The following NME1 variants were observed in gnomAD, a reference collection of about 807,000 sequenced individuals.
NME1 encodes NME/NM23 nucleoside diphosphate kinase 1, also known as nucleoside diphosphate kinase A.
Under a neutral mutation model 17.2 loss-of-function variants are expected in NME1, and 9 were observed. That is an observed-to-expected ratio of 0.52 (90% CI 0.32 to 0.92). The LOEUF (loss-of-function observed/expected upper bound fraction) is 0.92, where lower values mean the gene tolerates loss of function less well. NME1 is among the 40% of genes least tolerant of loss of function. NME1 has a pLI of 0.04. For missense variants in NME1, 169 were observed against 201.7 expected, an observed-to-expected ratio of 0.84 and a Z score of 0.98; for synonymous variants, 72 against 70.8, an observed-to-expected ratio of 1.02 and a Z score of -0.09.
intron 1 of NME1, chr17:51,154,417 G>A (rs1483948551): frequency 1.2e-6 from 2 of 1,614,064 alleles, no homozygotes; most frequent in African/African-American, 1.3e-5. Context: ...CAAGGCGAGG[G>A]GCCTCCTATC....
rs1042084825 is a variant in NME1 at position 51,162,035 on chromosome 17, A to G, written c.*190A>G. Reference sequence around the variant, plus strand: ...TCTGATTAAAATGCTTCCTCCCAGCATAGGATTCATTGAGTTGGTTACTTC... The same window carrying G: ...TCTGATTAAAATGCTTCCTCCCAGCGTAGGATTCATTGAGTTGGTTACTTC... On this transcript the variant is annotated 3_prime_UTR_variant, in exon 5 of 5. Coordinates refer to ENST00000393196, the MANE Select transcript of NME1 (RefSeq NM_000269.3). 7 of 576,238 alleles carry G rather than the reference A, an allele frequency of 1.2e-5. No homozygotes were observed. In the African/African-American group the frequency reaches 1.3e-4, roughly 11 times the overall value. The allele number at this position is 576,238 out of a possible 1,614,324, so 35.7% of individuals were successfully genotyped here. A position where few individuals can be genotyped will look rare whatever the true frequency, so the allele number is the denominator to read the frequency against.
At chr17:51,160,627 T>TTTTA in intron 3 of NME1, 1 of 226,844 alleles carries the variant, frequency 4.4e-6, no homozygotes, top group Non-Finnish European at 8.8e-6. Context: ...TTTTTTTTTT[T>TTTTA]GAGACGGAGT....
At chr17:51,154,035 G>A in intron 1 of NME1, 1 of 340,268 alleles carries the variant, frequency 2.9e-6, no homozygotes, top group Non-Finnish European at 5.7e-6. Flanking sequence ...CACCGGGACC[G>A]ATGTGGAGGG....
At chr17:51,160,431 T>G in intron 3 of NME1, 1 of 379,054 alleles carries the variant, frequency 2.6e-6, no homozygotes, top group Middle Eastern at 9.1e-4. Context: ...AGGGTGGGAA[T>G]GAGCTTGGCT....
At chr17:51,160,332 G>A (rs62063054) in intron 3 of NME1, 7,190 of 568,528 alleles carry the variant, frequency 0.013, 62 homozygotes, top group South Asian at 0.021. Flanking sequence ...ACAAGAAGCA[G>A]CGATCTGAAT....
At chr17:51,154,339 AG>A in intron 1 of NME1, 2 of 1,596,964 alleles carry the variant, frequency 1.3e-6, no homozygotes, top group South Asian at 2.2e-5. Context: ...CTGTAAGAAG[AG>A]GTTAACTAAA....
chr17:51,160,499 TG>T, intron 3 of NME1: 1 of 362,606 alleles, frequency 2.8e-6, no homozygotes, highest in Non-Finnish European at 5.3e-6. Context: ...GGAGGGAAGT[TG>T]GGAGGTGAAG....
chr17:51,155,981 T>C (rs1465348954), intron 2 of NME1: 2 of 648,044 alleles, frequency 3.1e-6, no homozygotes, highest in Non-Finnish European at 5.0e-6. Context: ...TTTTCCAAAA[T>C]AGTCTCTGTA....
chr17:51,156,863 C>G (rs2049793606), intron 2 of NME1, among the ~76,000 whole-genome samples: 1 of 148,368 alleles, frequency 6.7e-6, no homozygotes, highest in South Asian at 2.2e-4. Context: ...TGCACTCCAG[C>G]CTGTGCAACA....
rs1157048639 is a variant in NME1, at chr17:51,161,772, AG to A, written c.387del (p.Ile130SerfsTer11). 6.2e-6 allele frequency: 10 copies of A among 1,614,120 alleles called. No homozygotes were observed. Among genetic ancestry groups the A allele is most frequent in the Non-Finnish European group, 8.5e-6 (10 of 1,179,976 alleles). On this transcript the variant is annotated frameshift_variant, in exon 5 of 5. Coordinates refer to ENST00000393196, the MANE Select transcript of NME1 (RefSeq NM_000269.3). LOFTEE classifies it high-confidence loss of function. ...GSDSVESAEK[E>X]IGLWFHPEEL... ...GATTCTGTGGAGAGTGCAGAGAAGG[AG>A]ATCGGCTTGTGGTTTCACCCTGAGG...
intron 1 of NME1, 133 bp from the exon 2 acceptor site, chr17:51,155,518 G>A (rs2049772831): frequency 2.2e-6 from 3 of 1,378,516 alleles, no homozygotes; most frequent in South Asian, 1.2e-5. Context: ...GAGGAATTGG[G>A]TTTTTACCAG....
At chr17:51,157,966 A>T (rs1429237300) in intron 2 of NME1, among the ~76,000 whole-genome samples, 1 of 152,128 alleles carries the variant, frequency 6.6e-6, no homozygotes, top group Non-Finnish European at 1.5e-5. Context: ...AAAGCCCGTG[A>T]TCTGTTTTGC....
intron 2 of NME1, 105 bp from the exon 3 acceptor site, chr17:51,159,875 C>T: frequency 7.4e-6 from 10 of 1,352,504 alleles, no homozygotes. Flanking sequence ...TCAGTGAGCC[C>T]AACCGCTCAT....
chr17:51,161,156 G>T lies in NME1; in HGVS notation c.229-4G>T, dbSNP rs369676422. 4 of 1,608,116 alleles carry T rather than the reference G, an allele frequency of 2.5e-6. No homozygotes were observed. The African/African-American group carries it at 5.3e-5, about 21-fold the overall frequency. On this transcript the variant is annotated splice_region_variant and splice_polypyrimidine_tract_variant and intron_variant, in intron 3 of 4. Coordinates refer to ENST00000393196, the MANE Select transcript of NME1 (RefSeq NM_000269.3). ...TTTGACCATATCTTCTTCTGTCCTT[G>T]GAGGTCTGGGAGGGGCTGAATGTGG...
chr17:51,159,787 G>A (rs1008063013), intron 2 of NME1, among the ~76,000 whole-genome samples, 193 bp from the exon 3 acceptor site: 1 of 152,080 alleles, frequency 6.6e-6, no homozygotes, highest in African/African-American at 2.4e-5. Context: ...GGAGACAACT[G>A]ATATAAAATT....
chr17:51,162,081 T>A lies in NME1; in HGVS notation c.*236T>A. On this transcript the variant is annotated 3_prime_UTR_variant, in exon 5 of 5. Coordinates refer to ENST00000393196, the MANE Select transcript of NME1 (RefSeq NM_000269.3). The stretch of plus-strand genomic sequence containing the variant: ...ACTTCATATTGTTGCATTGCTTTTT[T>A]TTCCTTCTTTTCATGTACACTGAAT... 2.1e-6 allele frequency: 1 copy of A among 481,116 alleles called. No homozygotes were observed. Among genetic ancestry groups the A allele is most frequent in the South Asian group, 2.2e-5 (1 of 44,810 alleles). The allele number at this position is 481,116 out of a possible 1,614,324, so 29.8% of individuals were successfully genotyped here. A position where few individuals can be genotyped will look rare whatever the true frequency, so the allele number is the denominator to read the frequency against.
chr17:51,160,539 C>G lies in NME1; in HGVS notation c.228+458C>G, dbSNP rs371398393. The stretch of plus-strand genomic sequence containing the variant: ...TCAGAGGCATGGGCAGGGGCCTTCT[C>G]TCTTAGGGGTGTGTTGACCATATAC... On this transcript the variant is annotated intron_variant, in intron 3 of 4. Transcript: ENST00000393196. The G allele has an allele frequency of 6.3e-4, 212 of 335,310 alleles. 3 individuals carry two copies. The highest frequency in any genetic ancestry group is 5.2e-3 in the South Asian group (208 of 40,040). The allele number at this position is 335,310 out of a possible 1,614,324, so 20.8% of individuals were successfully genotyped here. A position where few individuals can be genotyped will look rare whatever the true frequency, so the allele number is the denominator to read the frequency against.
At chr17:51,154,116 C>A in intron 1 of NME1, 1 of 499,198 alleles carries the variant, frequency 2.0e-6, no homozygotes, top group Non-Finnish European at 3.6e-6. Context: ...GCCCCGCACC[C>A]CATCGTGCGA....
At chr17:51,160,359 C>G (rs1275644005) in intron 3 of NME1, 1 of 503,192 alleles carries the variant, frequency 2.0e-6, no homozygotes, top group Non-Finnish European at 3.7e-6. Flanking sequence ...AAGCAGCCAG[C>G]CATGTACAGA....
Sources: allele counts gnomAD v4.1 joint callset (sites outside exome capture counted in the v4.1 genomes callset), GRCh38; gene constraint gnomAD v4.1.1; transcripts MANE v1.5; gene names NCBI Gene and HGNC (gene_info 2026-07-23, HGNC 2026-07-21).